Variants in ANKRD24 observed in about 807,000 individuals in gnomAD.
ANKRD24 encodes the protein ankyrin repeat domain-containing protein 24.
A neutral mutation model predicts 127.8 loss-of-function variants in ANKRD24; 109 were observed. The ratio of observed to expected loss-of-function variants is 0.85; its 90% CI spans 0.73 to 1.00. The LOEUF is 1.00. ANKRD24 is among the 50% of genes least tolerant of loss of function. The pLI is 0.00. For missense variants in ANKRD24, 1,648 were observed against 1,570.2 expected (o/e 1.05, Z -0.84); for synonymous variants, 743 against 671.1 (o/e 1.11, Z -1.66).
intron 16 of ANKRD24, 70 bp downstream of exon 16, chr19:4,216,120 G>A: frequency 2.0e-6 from 3 of 1,495,056 alleles, no homozygotes; most frequent in Non-Finnish European, 2.7e-6. Context: ...GGAGCCTCTG[G>A]GTGTGGGGGA....
At chr19:4,197,797 GTGAA>G (rs1431571449) in intron 2 of ANKRD24, among the ~76,000 whole-genome samples, 14 of 152,148 alleles carry the variant, frequency 9.2e-5, no homozygotes, top group South Asian at 6.2e-4. Context: ...GAATGAATAA[GTGAA>G]TGAACGAATG....
chr19:4,183,156 T>G (rs1221246353), intron 1 of ANKRD24, among the ~76,000 whole-genome samples: 1 of 152,072 alleles, frequency 6.6e-6, no homozygotes, highest in African/African-American at 2.4e-5. Context: ...TTTTTGTATT[T>G]TTTAGTAGAG....
chr19:4,192,380 A>ATT (rs142246284), intron 2 of ANKRD24, among the ~76,000 whole-genome samples: 13 of 132,594 alleles, frequency 9.8e-5, no homozygotes, highest in East Asian at 2.3e-4. Context: ...TTAAGTATGC[A>ATT]TTTTTTTTTT....
Position 4,217,358 on chromosome 19 carries a change from A to AG in ANKRD24, c.2200dup (p.Glu734GlyfsTer50). Reference sequence around the variant, plus strand: ...CTGGAGACCAGGATCCGTGGCTTGGAGGAGGCTCTCCGGCAGCGGGAGCGG... The same window carrying AG: ...CTGGAGACCAGGATCCGTGGCTTGGAGGGAGGCTCTCCGGCAGCGGGAGCGG... On this transcript the variant is annotated frameshift_variant, in exon 18 of 22. Transcript: ENST00000318934. LOFTEE classifies it high-confidence loss of function. 6.4e-7 allele frequency: 1 copy of AG among 1,551,248 alleles called. No individual in the cohort carries two copies. The highest frequency in any genetic ancestry group is 8.7e-7 in the Non-Finnish European group (1 of 1,147,000).
chr19:4,217,437 C>T lies in ANKRD24; in HGVS notation c.2277C>T (p.Ala759=), dbSNP rs1368194756. ...TGGGGAAGTGCGAGGCCGCGGAGGC[C>T]GAGGCAGGCCGGCTGCGAGAGCGTG... ...AALGKCEAAE[A]EAGRLRERVR... The change falls in exon 18 of 22, where the codon GCC becomes GCT. Residue 759 remains alanine, a synonymous_variant. Transcript: ENST00000318934. The T allele has an allele frequency of 5.2e-6, 8 of 1,531,572 alleles. No individual in the cohort carries two copies. Among genetic ancestry groups the T allele is most frequent in the Non-Finnish European group, 6.1e-6 (7 of 1,139,872 alleles). 94.9% of individuals were successfully genotyped at this position (1,531,572 alleles called of 1,614,324 possible).
chr19:4,194,370 C>G (rs1968578276), intron 2 of ANKRD24, among the ~76,000 whole-genome samples: 1 of 152,152 alleles, frequency 6.6e-6, no homozygotes. Flanking sequence ...CCAGGCTGGT[C>G]TTGAACTCCT....
At chr19:4,194,566 G>GGCAGTGGGCAGGATCTGGGCT (rs1443972403) in intron 2 of ANKRD24, among the ~76,000 whole-genome samples, 1 of 152,202 alleles carries the variant, frequency 6.6e-6, no homozygotes, top group Non-Finnish European at 1.5e-5. Context: ...TACGGAAACA[G>GGCAGTGGGCAGGATCTGGGCT]GCAGTGGGCA....
intron 15 of ANKRD24, among the ~76,000 whole-genome samples, chr19:4,213,474 T>G (rs77482418): frequency 7.0e-6 from 1 of 142,806 alleles, no homozygotes; most frequent in Non-Finnish European, 1.5e-5. Context: ...TTTTTTTTTT[T>G]GGACAGAGTC....
At chr19:4,190,649 C>T (rs1391089067) in intron 2 of ANKRD24, among the ~76,000 whole-genome samples, 3 of 152,094 alleles carry the variant, frequency 2.0e-5, no homozygotes, top group Admixed American at 2.0e-4. Context: ...AGGAAAATCT[C>T]TTGAACCCAG....
chr19:4,189,146 A>G (rs1390239538), intron 2 of ANKRD24, among the ~76,000 whole-genome samples: 1 of 150,916 alleles, frequency 6.6e-6, no homozygotes, highest in African/African-American at 2.4e-5. Flanking sequence ...ATTAATTATC[A>G]TGTACCCATT....
rs1599437987 is a variant in ANKRD24, at chr19:4,209,074, A to G, written c.870+273A>G. ...TGTTGAGGGTTGGTGTCTTCGGGGA[A>G]GGAAGCAGATCTGGCCTCTTCCCCT... On this transcript the variant is annotated intron_variant, in intron 11 of 21. Coordinates refer to ENST00000318934, the MANE Select transcript of ANKRD24 (RefSeq NM_001393985.1). 4 of 385,774 alleles carry G rather than the reference A, an allele frequency of 1.0e-5. No individual in the cohort carries two copies. In the East Asian group the frequency reaches 1.8e-4, roughly 18 times the overall value. The allele number at this position is 385,774 out of a possible 1,614,324, so 23.9% of individuals were successfully genotyped here.
chr19:4,186,576 C>A, intron 2 of ANKRD24, 115 bp downstream of exon 2: 2 of 1,213,782 alleles, frequency 1.6e-6, no homozygotes, highest in Non-Finnish European at 2.4e-6. Context: ...CTCCTTTCCT[C>A]TCTGCTGCCC....
intron 2 of ANKRD24, among the ~76,000 whole-genome samples, chr19:4,197,107 C>A (rs1431525689): frequency 6.6e-6 from 1 of 152,110 alleles, no homozygotes; most frequent in Non-Finnish European, 1.5e-5. Flanking sequence ...GCAGTAGGAA[C>A]TATTTATTAT....
rs547458991 is a variant in ANKRD24, at chr19:4,191,567, C to T, written c.36+5106C>T. ...CATGATCTCGGCTCACTGCAAGCTCCGCCTCCCGGGTTCAAGAGATTATCC... is the reference window on the plus strand; with the variant it reads ...CATGATCTCGGCTCACTGCAAGCTCTGCCTCCCGGGTTCAAGAGATTATCC... On this transcript the variant is annotated intron_variant, in intron 2 of 21. Coordinates refer to ENST00000318934, the MANE Select transcript of ANKRD24 (RefSeq NM_001393985.1). 5.9e-5 allele frequency among the ~76,000 whole-genome samples: 9 copies of T among 152,024 alleles called. No individual in the cohort carries two copies. The South Asian group carries it at 6.2e-4, about 11-fold the overall frequency.
In ANKRD24 at chr19:4,202,904, G is replaced by A. The variant is rs1305919111; in HGVS notation, c.444G>A (p.Gly148=). 2 of 1,587,248 alleles carry A rather than the reference G, an allele frequency of 1.3e-6. No individual in the cohort carries two copies. The highest frequency in any genetic ancestry group is 1.3e-5 in the African/African-American group (1 of 74,116). Reference sequence around the variant, plus strand: ...TGGTGGACGTCGTGGACAGCAGCGGGTGGACTGCCCTACACCATGCAGGTG... The same window carrying A: ...TGGTGGACGTCGTGGACAGCAGCGGATGGACTGCCCTACACCATGCAGGTG... The part of the protein sequence containing the change: ...SCVVDVVDSS[G]WTALHHAAAG... The change falls in exon 7 of 22, where the codon GGG becomes GGA. Residue 148 remains glycine, a synonymous_variant. Transcript: ENST00000318934.
intron 2 of ANKRD24, among the ~76,000 whole-genome samples, chr19:4,197,783 G>A (rs981826685): frequency 6.6e-6 from 1 of 151,504 alleles, no homozygotes; most frequent in Non-Finnish European, 1.5e-5. Context: ...ATGAACAAGC[G>A]AATGAATGAA....
chr19:4,214,497 T>TA lies in ANKRD24; in HGVS notation c.1198-1480dup, dbSNP rs565463808. 4.6e-5 allele frequency among the ~76,000 whole-genome samples: 7 copies of TA among 152,114 alleles called. No individual in the cohort carries two copies. In the East Asian group the frequency reaches 1.2e-3, roughly 25 times the overall value. On this transcript the variant is annotated intron_variant, in intron 15 of 21. Transcript: ENST00000318934. The stretch of plus-strand genomic sequence containing the variant: ...AAACATGTATACATATAGAAAACCA[T>TA]ACACACAAACACAGAGATCCACAGG...
At position 4,195,667 on chromosome 19, in the gene ANKRD24, G is replaced by A. The variant is rs1968685596; in HGVS notation, c.37-4016G>A. On this transcript the variant is annotated intron_variant, in intron 2 of 21. Transcript: ENST00000318934. This position sits in a 1 kb window ranked among gnomAD's most constrained non-coding sequence, Gnocchi z 4.2. ...AATCCCAACACTTTGAGAGGCCAAG[G>A]CAGGTGGATCACGAGGTCAGAGTTC... is the stretch of plus-strand genomic sequence containing the variant. Among the ~76,000 whole-genome samples the A allele has an allele frequency of 6.6e-6, 1 of 152,164 alleles. No homozygotes were observed. The highest frequency in any genetic ancestry group is 6.5e-5 in the Admixed American group (1 of 15,278).
At chr19:4,215,592 C>T (rs1970011461) in intron 15 of ANKRD24, among the ~76,000 whole-genome samples, 1 of 125,680 alleles carries the variant, frequency 8.0e-6, no homozygotes, top group South Asian at 2.7e-4. Context: ...CGTGACGAGA[C>T]CGCATCTCTG....
Sources: gnomAD v4.1 joint callset for allele counts (sites outside exome capture counted in the v4.1 genomes callset) on GRCh38, gnomAD v4.1.1 for gene constraint, Gnocchi (gnomAD v3.1) non-coding constraint, MANE v1.5 for transcripts, NCBI Gene and HGNC (gene_info 2026-07-23, HGNC 2026-07-21) for gene names.